DLGAP1: variants seen among roughly 807,000 people sequenced by gnomAD.
DLGAP1 encodes disks large-associated protein 1.
Under a neutral mutation model 90.8 loss-of-function variants are expected in DLGAP1, and 11 were observed. The observed-to-expected ratio is 0.12, with a 90% CI of 0.08 to 0.20. The LOEUF is 0.20. Among genes scored for constraint, DLGAP1 ranks in the 10% least tolerant of loss-of-function variants. The pLI, the probability that DLGAP1 is intolerant of heterozygous loss-of-function variation, is 1.00. For synonymous variants in DLGAP1, 558 were observed against 540.7 expected (o/e 1.03, Z -0.44); for missense variants, 1,050 against 1,333.8 (o/e 0.79, Z 3.31).
intron 1 of DLGAP1, among the ~76,000 whole-genome samples, chr18:4,331,235 G>A (rs594469): frequency 0.88 from 132,966 of 151,574 alleles, 58,961 homozygotes; most frequent in South Asian, 0.97. Context: ...AATGTATCAC[G>A]GGACTGTGTT....
At chr18:3,990,113 C>G (rs1259800981) in intron 3 of DLGAP1, among the ~76,000 whole-genome samples, 1 of 152,128 alleles carries the variant, frequency 6.6e-6, no homozygotes, top group Non-Finnish European at 1.5e-5. Context: ...TACCATTTGA[C>G]CCAGCCATCC....
chr18:4,247,391 C>T (rs1324461357), intron 1 of DLGAP1, among the ~76,000 whole-genome samples: 1 of 152,156 alleles, frequency 6.6e-6, no homozygotes, highest in Non-Finnish European at 1.5e-5. Flanking sequence ...AATTCGAACC[C>T]ATGCGGCCTT....
chr18:3,814,426 A>C (rs1265755619), intron 4 of DLGAP1, among the ~76,000 whole-genome samples, 153 bp from the exon 5 acceptor site: 1 of 144,482 alleles, frequency 6.9e-6, no homozygotes, highest in Non-Finnish European at 1.5e-5. Flanking sequence ...CAGTGGTGCA[A>C]TCTTGGCTCA....
chr18:3,675,293 T>C (rs2060258378), intron 7 of DLGAP1, among the ~76,000 whole-genome samples: 1 of 152,266 alleles, frequency 6.6e-6, no homozygotes, highest in Middle Eastern at 3.4e-3. Context: ...CAGAGTGGTC[T>C]TGAACCCCTG....
intron 1 of DLGAP1, among the ~76,000 whole-genome samples, chr18:4,217,980 T>C (rs967561222): frequency 2.6e-5 from 4 of 151,916 alleles, no homozygotes; most frequent in African/African-American, 9.7e-5. Context: ...TCTAAACACA[T>C]TGCTAAAACT....
chr18:3,552,760 G>A (rs1027055876), intron 9 of DLGAP1, among the ~76,000 whole-genome samples: 10 of 152,152 alleles, frequency 6.6e-5, no homozygotes, highest in Non-Finnish European at 1.0e-4. Context: ...ACTTGGCTCC[G>A]CAGATTCAAG....
At chr18:3,880,182 T>A in intron 3 of DLGAP1, 42 bp from the exon 4 acceptor site, 1 of 975,974 alleles carries the variant, frequency 1.0e-6, no homozygotes, top group African/African-American at 1.6e-5. Context: ...AACATTTCTC[T>A]TGGAAATTAG....
intron 1 of DLGAP1, among the ~76,000 whole-genome samples, chr18:4,446,216 G>A (rs1420071297): frequency 1.3e-5 from 2 of 152,142 alleles, no homozygotes; most frequent in African/African-American, 2.4e-5. Flanking sequence ...GGCCAACCAC[G>A]TTCTAGGCAT....
At chr18:4,415,338 T>C (rs2082874440) in intron 1 of DLGAP1, among the ~76,000 whole-genome samples, 2 of 152,202 alleles carry the variant, frequency 1.3e-5, no homozygotes, top group African/African-American at 4.8e-5. Flanking sequence ...ATTTGGCACA[T>C]GTGATATGAC....
intron 7 of DLGAP1, among the ~76,000 whole-genome samples, chr18:3,600,721 G>T (rs1322189334): frequency 4.2e-5 from 1 of 23,612 alleles, no homozygotes; most frequent in Non-Finnish European, 8.1e-5. Context: ...TATAGATATA[G>T]AGATATAGAT....
intron 1 of DLGAP1, among the ~76,000 whole-genome samples, chr18:4,240,354 T>G (rs2145123802): frequency 6.6e-6 from 1 of 152,210 alleles, no homozygotes; most frequent in East Asian, 1.9e-4. Flanking sequence ...TGCCTTAACT[T>G]TATTTACCAA....
chr18:4,034,146 A>C (rs918807342), intron 2 of DLGAP1, among the ~76,000 whole-genome samples: 1 of 141,078 alleles, frequency 7.1e-6, no homozygotes, highest in Non-Finnish European at 1.5e-5. Flanking sequence ...GGTTCAAGCG[A>C]TTCTCCTGCC....
chr18:3,879,612 GCGACTTGGTGAAGAGCTTCTGGA>G lies in DLGAP1; in HGVS notation c.434_456del (p.Val145AlafsTer19). On this transcript the variant is annotated frameshift_variant, in exon 4 of 13. Coordinates refer to ENST00000315677, the MANE Select transcript of DLGAP1 (RefSeq NM_004746.4). LOFTEE classifies it high-confidence loss of function. The surrounding 1 kb of genome is among the most constrained non-coding windows in gnomAD (Gnocchi z 6.6). ...CCCTTGGACGGCCCCTCCAGGGAGT[GCGACTTGGTGAAGAGCTTCTGGA>G]CCGAGTGCACCAGGTGGCGGATGCG... 1 of 1,603,450 alleles carries G rather than the reference GCGACTTGGTGAAGAGCTTCTGGA, an allele frequency of 6.2e-7. No individual in the cohort carries two copies.
At chr18:3,805,210 C>T (rs2066508981) in intron 5 of DLGAP1, among the ~76,000 whole-genome samples, 2 of 152,202 alleles carry the variant, frequency 1.3e-5, no homozygotes, top group South Asian at 4.1e-4. Flanking sequence ...CATAATTACC[C>T]TTGAACAACC....
At chr18:4,387,767 C>T (rs923049075) in intron 1 of DLGAP1, among the ~76,000 whole-genome samples, 3 of 152,164 alleles carry the variant, frequency 2.0e-5, no homozygotes, top group Admixed American at 6.5e-5. Context: ...CCCGTCTCTA[C>T]TAAAAATACA....
At chr18:3,546,811 A>T (rs2053055467) in intron 9 of DLGAP1, among the ~76,000 whole-genome samples, 1 of 152,114 alleles carries the variant, frequency 6.6e-6, no homozygotes, top group Non-Finnish European at 1.5e-5. Context: ...TTAAACTAAA[A>T]ATAGAAGAGC....
intron 12 of DLGAP1, among the ~76,000 whole-genome samples, chr18:3,500,003 A>G (rs2049845614): frequency 6.6e-6 from 1 of 152,206 alleles, no homozygotes; most frequent in African/African-American, 2.4e-5. Flanking sequence ...CAAGCAATAT[A>G]CAATATACAG....
chr18:4,430,502 C>CTGGGTGTGTG (rs2083262824), intron 1 of DLGAP1: 1 of 142,550 alleles, frequency 7.0e-6, no homozygotes, highest in African/African-American at 2.6e-5. Context: ...TCTTGTGTGT[C>CTGGGTGTGTG]TGTGTGTGTG....
At chr18:4,197,920 A>T (rs1027617164) in intron 1 of DLGAP1, among the ~76,000 whole-genome samples, 1 of 152,110 alleles carries the variant, frequency 6.6e-6, no homozygotes, top group Non-Finnish European at 1.5e-5. Flanking sequence ...GTGGAAAAAG[A>T]TGTTTAAACC....
Sources: gnomAD v4.1 joint callset for allele counts (sites outside exome capture counted in the v4.1 genomes callset) on GRCh38, gnomAD v4.1.1 for gene constraint, Gnocchi (gnomAD v3.1) non-coding constraint, MANE v1.5 for transcripts, NCBI Gene and HGNC (gene_info 2026-07-23, HGNC 2026-07-21) for gene names.